Variants in SSBP2 observed in about 807,000 individuals in gnomAD.
The protein encoded by SSBP2 is single-stranded DNA-binding protein 2.
In SSBP2, 17 loss-of-function variants were observed where a neutral mutation model predicts 61.8. The observed-to-expected ratio is 0.28, with a 90% confidence interval of 0.19 to 0.41. SSBP2 has a LOEUF of 0.41. Among genes scored for constraint, SSBP2 ranks in the 10% least tolerant of loss-of-function variants. The pLI, the probability that SSBP2 is intolerant of heterozygous loss-of-function variation, is 1.00. For synonymous variants in SSBP2, 139 were observed against 141.3 expected (o/e 0.98, Z 0.12); for missense variants, 310 against 458.7 (o/e 0.68, Z 2.96).
chr5:81,525,413 T>C (rs1018206074), intron 4 of SSBP2, among the ~76,000 whole-genome samples: 2 of 152,008 alleles, frequency 1.3e-5, no homozygotes, highest in Non-Finnish European at 2.9e-5. Context: ...AGCACCCACT[T>C]ATAACTGAGA....
chr5:81,736,028 G>A (rs1312065995), intron 1 of SSBP2, among the ~76,000 whole-genome samples: 1 of 152,124 alleles, frequency 6.6e-6, no homozygotes, highest in African/African-American at 2.4e-5. Flanking sequence ...AATCTTAAGA[G>A]TGGGCCCCAC....
chr5:81,483,753 A>C (rs1766172350), intron 6 of SSBP2, among the ~76,000 whole-genome samples: 1 of 150,268 alleles, frequency 6.7e-6, no homozygotes, highest in African/African-American at 2.5e-5. Context: ...TCACCATTTG[A>C]CATATATATA....
rs536024065 is a variant in SSBP2, at chr5:81,603,756, C to T, written c.282+11717G>A. ...TATTCGTTATTAGGTTCACGTCTTACGATGAATTATCTGAATACTTATTGT... is the reference window on the plus strand; with the variant it reads ...TATTCGTTATTAGGTTCACGTCTTATGATGAATTATCTGAATACTTATTGT... On this transcript the variant is annotated intron_variant, in intron 4 of 16. Transcript: ENST00000320672. Among the ~76,000 whole-genome samples the T allele has an allele frequency of 3.3e-5, 5 of 152,152 alleles. No individual in the cohort carries two copies. In the East Asian group the frequency reaches 5.8e-4, roughly 18 times the overall value.
intron 6 of SSBP2, among the ~76,000 whole-genome samples, chr5:81,481,792 A>G (rs1412626020): frequency 1.3e-5 from 2 of 151,640 alleles, no homozygotes; most frequent in African/African-American, 4.8e-5. Flanking sequence ...ATGTGTTACC[A>G]AGGAGTAGTA....
Position 81,750,875 on chromosome 5 carries a change from G to A in SSBP2, c.62+106C>T. On this transcript the variant is annotated intron_variant, in intron 1 of 16. Coordinates refer to ENST00000320672, the MANE Select transcript of SSBP2 (RefSeq NM_012446.5). ...CCCCTCCCCCTGCCAGCCCACCCCC[G>A]GCGCTCCCCGGGCGGAGAGTGTCTG... 3 of 899,086 alleles carry A rather than the reference G, an allele frequency of 3.3e-6. No homozygotes were observed. In the South Asian group the frequency reaches 4.9e-5, roughly 15 times the overall value. 55.7% of individuals were successfully genotyped at this position (899,086 alleles called of 1,614,324 possible).
chr5:81,579,732 C>T (rs983444277), intron 4 of SSBP2, among the ~76,000 whole-genome samples: 2 of 152,026 alleles, frequency 1.3e-5, no homozygotes, highest in African/African-American at 4.8e-5. Context: ...TAAAAGCTTT[C>T]ACAATAGGAA....
chr5:81,596,332 TAA>T (rs1406452007), intron 4 of SSBP2, among the ~76,000 whole-genome samples: 2 of 139,624 alleles, frequency 1.4e-5, no homozygotes, highest in Non-Finnish European at 3.1e-5. Flanking sequence ...CTCAACGAAA[TAA>T]AAGAGGACAC....
chr5:81,500,183 G>A (rs1463123003), intron 5 of SSBP2, among the ~76,000 whole-genome samples: 1 of 152,018 alleles, frequency 6.6e-6, no homozygotes, highest in Non-Finnish European at 1.5e-5. Context: ...TATGTAAGAT[G>A]GTATTGAACT....
intron 1 of SSBP2, among the ~76,000 whole-genome samples, chr5:81,680,080 T>C (rs1266728897): frequency 6.6e-6 from 1 of 151,800 alleles, no homozygotes; most frequent in Non-Finnish European, 1.5e-5. Context: ...TCCCAACACC[T>C]GGCCCTGCCA....
intron 1 of SSBP2, among the ~76,000 whole-genome samples, chr5:81,681,725 A>T (rs453068): frequency 6.6e-6 from 1 of 151,880 alleles, no homozygotes; most frequent in Non-Finnish European, 1.5e-5. Context: ...AAATCTGAGC[A>T]GAAATCAATG....
chr5:81,597,779 G>A (rs1176309049), intron 4 of SSBP2, among the ~76,000 whole-genome samples: 1 of 148,492 alleles, frequency 6.7e-6, no homozygotes, highest in South Asian at 2.1e-4. Context: ...AACACCGCAT[G>A]TTCTCACTCA....
intron 6 of SSBP2, among the ~76,000 whole-genome samples, chr5:81,478,920 A>G (rs1381310399): frequency 6.6e-6 from 1 of 152,238 alleles, no homozygotes; most frequent in African/African-American, 2.4e-5. Context: ...ATATCTTTGA[A>G]TATCAGAACA....
At chr5:81,551,533 T>C (rs1315501129) in intron 4 of SSBP2, among the ~76,000 whole-genome samples, 1 of 152,186 alleles carries the variant, frequency 6.6e-6, no homozygotes, top group Non-Finnish European at 1.5e-5. Flanking sequence ...ATGGGAAGGC[T>C]TGAACAACAA....
chr5:81,644,177 T>C (rs1423044348), intron 2 of SSBP2, among the ~76,000 whole-genome samples: 2 of 152,336 alleles, frequency 1.3e-5, no homozygotes, highest in South Asian at 2.1e-4. Flanking sequence ...GAAAGTTTTA[T>C]TGAGTAGTGC....
chr5:81,610,793 A>G (rs902054218), intron 4 of SSBP2, among the ~76,000 whole-genome samples: 27 of 152,304 alleles, frequency 1.8e-4, no homozygotes, highest in Non-Finnish European at 3.7e-4. Flanking sequence ...TGGGAGTTTC[A>G]GACCAGCCTG....
Position 81,482,156 on chromosome 5 carries a change from C to A in SSBP2, c.432+7094G>T, listed in dbSNP as rs142556331. Among the ~76,000 whole-genome samples the A allele has an allele frequency of 1.6e-4, 24 of 152,186 alleles. No individual in the cohort carries two copies. In the East Asian group the frequency reaches 3.5e-3, roughly 22 times the overall value. On this transcript the variant is annotated intron_variant, in intron 6 of 16. Coordinates refer to ENST00000320672, the MANE Select transcript of SSBP2 (RefSeq NM_012446.5). ...ATGGGGTTTCACCATGTTGGCCAGGCTGGTCTTGAACTCTTGATCTCAAGT... is the reference window on the plus strand; with the variant it reads ...ATGGGGTTTCACCATGTTGGCCAGGATGGTCTTGAACTCTTGATCTCAAGT...
intron 1 of SSBP2, among the ~76,000 whole-genome samples, chr5:81,675,666 C>G (rs1751914332): frequency 6.6e-6 from 1 of 152,134 alleles, no homozygotes; most frequent in Non-Finnish European, 1.5e-5. Flanking sequence ...GTTGATAAAT[C>G]AGGGGTGCTT....
chr5:81,713,585 T>C (rs1754950001), intron 1 of SSBP2, among the ~76,000 whole-genome samples: 1 of 152,144 alleles, frequency 6.6e-6, no homozygotes, highest in South Asian at 2.1e-4. Flanking sequence ...TTAAAAGATG[T>C]ACATCGCCAA....
Position 81,514,354 on chromosome 5 carries a change from T to G in SSBP2, c.283-637A>C, listed in dbSNP as rs562730369. 2.6e-3 allele frequency among the ~76,000 whole-genome samples: 399 copies of G among 152,096 alleles called. 2 individuals carry two copies. The highest frequency in any genetic ancestry group is 9.1e-3 in the African/African-American group (378 of 41,548). Reference sequence around the variant, plus strand: ...TCATACAAATTATGAAAAAAAAAATTGAAAAATTCAAAGTCTACTTCACTT... The same window carrying G: ...TCATACAAATTATGAAAAAAAAAATGGAAAAATTCAAAGTCTACTTCACTT... On this transcript the variant is annotated intron_variant, in intron 4 of 16. Coordinates refer to ENST00000320672, the MANE Select transcript of SSBP2 (RefSeq NM_012446.5).
Sources: gnomAD v4.1 joint callset for allele counts (sites outside exome capture counted in the v4.1 genomes callset) on GRCh38, gnomAD v4.1.1 for gene constraint, MANE v1.5 for transcripts, NCBI Gene and HGNC (gene_info 2026-07-23, HGNC 2026-07-21) for gene names.